MYO3B: variants seen among roughly 807,000 people sequenced by gnomAD.
The protein encoded by MYO3B is myosin IIIB.
Under a neutral mutation model 174.6 loss-of-function variants are expected in MYO3B, and 156 were observed. That is an observed-to-expected ratio of 0.89 (90% CI 0.78 to 1.02). The LOEUF is 1.02. Among genes scored for constraint, MYO3B ranks in the 50% least tolerant of loss-of-function variants. The probability of loss-of-function intolerance (pLI) is 0.00; values close to 1 mark genes in which losing one functional copy is unlikely to be tolerated. For synonymous variants in MYO3B, 563 were observed against 569.1 expected, an observed-to-expected ratio of 0.99 and a Z score of 0.15; for missense variants, 1,632 against 1,639.4, an observed-to-expected ratio of 1.00 and a Z score of 0.08.
intron 25 of MYO3B, among the ~76,000 whole-genome samples, chr2:170,493,022 C>A (rs1397265044): frequency 1.3e-5 from 2 of 151,944 alleles, no homozygotes; most frequent in African/African-American, 4.8e-5. Flanking sequence ...AAGCTCCCTT[C>A]CGCCCTCAAA....
chr2:170,361,602 A>G (rs2105648692), intron 8 of MYO3B, among the ~76,000 whole-genome samples: 1 of 152,344 alleles, frequency 6.6e-6, no homozygotes, highest in Non-Finnish European at 1.5e-5. Flanking sequence ...CAAGAACAAG[A>G]ATAAAACAGC....
chr2:170,413,419 T>C (rs1006777617), intron 22 of MYO3B, among the ~76,000 whole-genome samples: 2 of 151,968 alleles, frequency 1.3e-5, no homozygotes, highest in African/African-American at 4.8e-5. Context: ...GAGGAAGAAA[T>C]GATGGCAGGC....
At chr2:170,544,903 G>C (rs1240501318) in intron 32 of MYO3B, among the ~76,000 whole-genome samples, 1 of 152,114 alleles carries the variant, frequency 6.6e-6, no homozygotes, top group African/African-American at 2.4e-5. Flanking sequence ...AATGAAGTGG[G>C]GGTAAAAGTA....
intron 32 of MYO3B, among the ~76,000 whole-genome samples, chr2:170,565,972 G>A (rs1012076): frequency 0.17 from 26,532 of 152,076 alleles, 3,285 homozygotes; most frequent in African/African-American, 0.34. Context: ...CTCCTCCTAT[G>A]CTCAAATGCT....
chr2:170,335,637 T>C (rs1177409184), intron 8 of MYO3B, among the ~76,000 whole-genome samples, 187 bp downstream of exon 8: 2 of 152,230 alleles, frequency 1.3e-5, no homozygotes, highest in Non-Finnish European at 2.9e-5. Context: ...GGCGTTCCAT[T>C]TGACTCTCAG....
intron 16 of MYO3B, among the ~76,000 whole-genome samples, chr2:170,393,379 T>TGGCCAATAAG (rs1489554165): frequency 6.6e-6 from 1 of 152,110 alleles, no homozygotes; most frequent in Non-Finnish European, 1.5e-5. Flanking sequence ...CCACCATGCC[T>TGGCCAATAAG]GGCCAATACT....
chr2:170,363,568 G>A (rs1214934276), intron 8 of MYO3B, among the ~76,000 whole-genome samples: 4 of 152,132 alleles, frequency 2.6e-5, no homozygotes, highest in Non-Finnish European at 5.9e-5. Context: ...GCCTGTTTTT[G>A]GCAGAAGCCA....
intron 23 of MYO3B, among the ~76,000 whole-genome samples, chr2:170,457,998 C>T (rs1272125329): frequency 3.3e-5 from 5 of 152,274 alleles, no homozygotes; most frequent in Admixed American, 1.3e-4. Context: ...AAGTGGTCCA[C>T]GCACCTTGGC....
intron 8 of MYO3B, among the ~76,000 whole-genome samples, chr2:170,351,985 C>T (rs1207046992): frequency 1.3e-5 from 2 of 152,162 alleles, no homozygotes; most frequent in Non-Finnish European, 2.9e-5. Flanking sequence ...TGGAGTCTCG[C>T]TCCGTCGCCC....
At chr2:170,589,219 G>A (rs866617340) in intron 32 of MYO3B, among the ~76,000 whole-genome samples, 1 of 152,150 alleles carries the variant, frequency 6.6e-6, no homozygotes, top group Non-Finnish European at 1.5e-5. Flanking sequence ...AACACTGAAA[G>A]GTTTTCGATA....
chr2:170,652,026 C>T, intron 33 of MYO3B, 82 bp from the exon 34 acceptor site: 1 of 1,411,994 alleles, frequency 7.1e-7, no homozygotes, highest in South Asian at 1.2e-5. Flanking sequence ...CATCTGCTTG[C>T]ATTCAACACA....
At chr2:170,271,238 A>G (rs2093423111) in intron 7 of MYO3B, among the ~76,000 whole-genome samples, 1 of 152,206 alleles carries the variant, frequency 6.6e-6, no homozygotes, top group South Asian at 2.1e-4. Flanking sequence ...AAAGTGGTGA[A>G]CATTTAGCCT....
At chr2:170,488,206 A>C (rs2106034400) in intron 25 of MYO3B, among the ~76,000 whole-genome samples, 1 of 152,392 alleles carries the variant, frequency 6.6e-6, no homozygotes, top group East Asian at 1.9e-4. Flanking sequence ...TTTCTTGATA[A>C]AGTCCAACAT....
intron 6 of MYO3B, among the ~76,000 whole-genome samples, chr2:170,222,509 T>A (rs2092912122): frequency 6.6e-6 from 1 of 152,150 alleles, no homozygotes; most frequent in South Asian, 2.1e-4. Flanking sequence ...TACTGGAGGT[T>A]TGCTGGTGAT....
chr2:170,310,887 C>T (rs370902053), intron 7 of MYO3B, among the ~76,000 whole-genome samples: 16 of 152,124 alleles, frequency 1.1e-4, no homozygotes, highest in East Asian at 9.7e-4. Context: ...TTAATGTTAA[C>T]GCCAGAGATG....
intron 32 of MYO3B, among the ~76,000 whole-genome samples, chr2:170,552,505 G>A (rs780135502): frequency 3.9e-5 from 6 of 152,176 alleles, no homozygotes; most frequent in Non-Finnish European, 5.9e-5. Flanking sequence ...AAATTTCTAA[G>A]CAGCAAAGCA....
intron 7 of MYO3B, among the ~76,000 whole-genome samples, chr2:170,283,488 C>T (rs1433315184): frequency 6.6e-6 from 1 of 152,118 alleles, no homozygotes; most frequent in East Asian, 1.9e-4. Context: ...TCTGGTCAGC[C>T]ATCTTGAACC....
At chr2:170,356,670 C>A (rs916054487) in intron 8 of MYO3B, among the ~76,000 whole-genome samples, 3 of 152,082 alleles carry the variant, frequency 2.0e-5, no homozygotes, top group Non-Finnish European at 4.4e-5. Flanking sequence ...CTGCATGGAG[C>A]CATTTCTATG....
At chr2:170,452,419 A>C (rs1683649537) in intron 23 of MYO3B, among the ~76,000 whole-genome samples, 1 of 152,228 alleles carries the variant, frequency 6.6e-6, no homozygotes, top group South Asian at 2.1e-4. Context: ...AAAATGGAGA[A>C]AAATAATTCC....
Sources: allele counts gnomAD v4.1 joint callset (sites outside exome capture counted in the v4.1 genomes callset), GRCh38; gene constraint gnomAD v4.1.1; transcripts MANE v1.5; gene names NCBI Gene and HGNC (gene_info 2026-07-23, HGNC 2026-07-21).